SRPRA: variants seen among roughly 807,000 people sequenced by gnomAD.
SRPRA encodes the protein signal recognition particle receptor subunit alpha.
A neutral mutation model predicts 61.1 loss-of-function variants in SRPRA; 30 were observed. That is an observed-to-expected ratio of 0.49 (90% CI 0.37 to 0.67). The LOEUF is 0.67. Among genes scored for constraint, SRPRA ranks in the 30% least tolerant of loss-of-function variants. SRPRA has a pLI of 0.00. For synonymous variants in SRPRA, 324 were observed against 299.7 expected (o/e 1.08, Z -0.84); for missense variants, 759 against 828.4 (o/e 0.92, Z 1.03).
At chr11:126,261,658 G>A (rs1162900451), downstream of SRPRA, among the ~76,000 whole-genome samples, 3 of 152,142 alleles carry the variant, frequency 2.0e-5, no homozygotes, top group Admixed American at 6.5e-5. Context: ...TTCCTATCAA[G>A]TCTATTACAA....
chr11:126,268,806 G>A lies in SRPRA; in HGVS notation c.-2C>T, dbSNP rs376385173. On this transcript the variant is annotated 5_prime_UTR_variant, in exon 1 of 14. Coordinates refer to ENST00000332118, the MANE Select transcript of SRPRA (RefSeq NM_003139.4). ...GAAAATGGTGAAGAAGTCGAGCATG[G>A]CGGCAGCGGCAGAGGAGCTGGGGCC... The A allele has an allele frequency of 1.2e-6, 2 of 1,612,162 alleles. No individual in the cohort carries two copies. The highest frequency in any genetic ancestry group is 1.7e-6 in the Non-Finnish European group (2 of 1,179,118).
chr11:126,246,632 G>A, the SRPRA span, among the ~76,000 whole-genome samples: 1 of 152,064 alleles, frequency 6.6e-6, no homozygotes, highest in African/African-American at 2.4e-5. Flanking sequence ...AATAGAAATG[G>A]GGTCTCCCTG....
At position 126,263,687 on chromosome 11, in the gene SRPRA, A is replaced by C; in HGVS notation, c.*229T>G. 1 of 541,982 alleles carries C rather than the reference A, an allele frequency of 1.8e-6. No homozygotes were observed. The highest frequency in any genetic ancestry group is 3.2e-6 in the Non-Finnish European group (1 of 310,520). 33.6% of individuals were successfully genotyped at this position (541,982 alleles called of 1,614,324 possible). A position where few individuals can be genotyped will look rare whatever the true frequency, so the allele number is the denominator to read the frequency against. ...AGGGGGTGCCTGAGTAGGAAGGGGG[A>C]GGCCCGCTGGGAGAGGGTCAGTGGG... On this transcript the variant is annotated 3_prime_UTR_variant, in exon 14 of 14. Transcript: ENST00000332118.
downstream of SRPRA, chr11:126,261,357 G>C (rs1591533805): frequency 6.7e-6 from 9 of 1,338,818 alleles, no homozygotes; most frequent in Non-Finnish European, 8.6e-6. Context: ...TCTCCCTTTA[G>C]TTTTCTTTTT....
the SRPRA span, among the ~76,000 whole-genome samples, chr11:126,237,206 G>A: frequency 3.8e-4 from 48 of 124,822 alleles, no homozygotes; most frequent in African/African-American, 1.4e-3. Flanking sequence ...GTGAGCCACC[G>A]CGCCTGGCCT....
chr11:126,268,607 A>G, intron 1 of SRPRA, 81 bp downstream of exon 1: 1 of 1,169,134 alleles, frequency 8.6e-7, no homozygotes, highest in Admixed American at 1.9e-5. Context: ...GGGTGGGAGG[A>G]GGCGCGGAAT....
downstream of SRPRA, among the ~76,000 whole-genome samples, chr11:126,261,673 G>C (rs1037092779): frequency 1.3e-5 from 2 of 152,168 alleles, no homozygotes; most frequent in Admixed American, 1.3e-4. Flanking sequence ...TTACAATCTA[G>C]TGCAGTGATC....
At chr11:126,251,973 C>CGTTTTGTTTTGTTTT in the SRPRA span, among the ~76,000 whole-genome samples, 1 of 151,270 alleles carries the variant, frequency 6.6e-6, no homozygotes, top group Admixed American at 6.6e-5. Context: ...TGTGCCTGGC[C>CGTTTTGTTTTGTTTT]GTTTTGTTTT....
In SRPRA at chr11:126,265,150, T is replaced by C; in HGVS notation, c.1334A>G (p.Asn445Ser). ...GGCAGCAATGAGGACACTGAAGCCA[T>C]TCTCTAACAACCAGAAGGAAATCTG... The part of the protein sequence containing the change: ...LAKISFWLLE[N>S]GFSVLIAACD... Residue 445 changes from asparagine to serine, a missense_variant, in exon 11 of 14, where the codon AAT becomes AGT. Physicochemically the swap from Asn to Ser is conservative, Grantham distance 46. Transcript: ENST00000332118. The surrounding 1 kb of genome is among the most constrained non-coding windows in gnomAD (Gnocchi z 6.3). 2 of 1,614,160 alleles carry C rather than the reference T, an allele frequency of 1.2e-6. No homozygotes were observed. Among genetic ancestry groups the C allele is most frequent in the Non-Finnish European group, 1.7e-6 (2 of 1,180,030 alleles).
the SRPRA span, chr11:126,254,564 G>A: frequency 8.2e-7 from 1 of 1,224,524 alleles, no homozygotes; most frequent in Non-Finnish European, 1.1e-6. Flanking sequence ...TAGGAGCAGT[G>A]GCTCATGCCT....
At chr11:126,256,941 C>T in the SRPRA span, 3 of 1,341,840 alleles carry the variant, frequency 2.2e-6, no homozygotes, top group Non-Finnish European at 2.0e-6. This position sits in a 1 kb window ranked among gnomAD's most constrained non-coding sequence, Gnocchi z 6.6. Context: ...AAAATAGTTG[C>T]CAAGATGAGG....
chr11:126,254,091 A>G, the SRPRA span, among the ~76,000 whole-genome samples: 1 of 152,198 alleles, frequency 6.6e-6, no homozygotes, highest in Non-Finnish European at 1.5e-5. Flanking sequence ...GCTTACTTTC[A>G]AAGAGAAATC....
chr11:126,261,378 GT>G (rs1463404828), downstream of SRPRA: 12 of 1,540,688 alleles, frequency 7.8e-6, no homozygotes, highest in Non-Finnish European at 9.9e-6. Context: ...GCTATTAATA[GT>G]TTTAGCTTTT....
downstream of SRPRA, chr11:126,262,301 T>A: frequency 3.3e-6 from 2 of 607,960 alleles, no homozygotes; most frequent in African/African-American, 1.9e-5. Flanking sequence ...TAATCCTTCA[T>A]ACCACCTGGT....
the SRPRA span, among the ~76,000 whole-genome samples, chr11:126,248,201 CAT>C: frequency 2.0e-5 from 3 of 151,046 alleles, no homozygotes; most frequent in African/African-American, 7.3e-5. Flanking sequence ...GTGATAACCT[CAT>C]ATGTGTCATT....
the SRPRA span, among the ~76,000 whole-genome samples, chr11:126,253,240 A>G: frequency 2.5e-3 from 386 of 152,180 alleles, no homozygotes; most frequent in African/African-American, 8.9e-3. This position sits in a 1 kb window ranked among gnomAD's most constrained non-coding sequence, Gnocchi z 5.1. Context: ...TTCAGCCCAC[A>G]TTAGGGGCAG....
At chr11:126,261,461 C>T, downstream of SRPRA, 2 of 1,613,848 alleles carry the variant, frequency 1.2e-6, no homozygotes, top group Non-Finnish European at 1.7e-6. Context: ...AATGGCTCAT[C>T]TGCAGCACAC....
chr11:126,262,388 C>T, downstream of SRPRA: 1 of 551,414 alleles, frequency 1.8e-6, no homozygotes, highest in Non-Finnish European at 3.2e-6. Flanking sequence ...CAACCCACTC[C>T]CCAGGCTAGA....
In SRPRA at chr11:126,267,953, A is replaced by G. The variant is rs375561081; in HGVS notation, c.201+50T>C. The G allele has an allele frequency of 3.8e-6, 6 of 1,577,764 alleles. No homozygotes were observed. The African/African-American group carries it at 8.1e-5, about 21-fold the overall frequency. On this transcript the variant is annotated intron_variant, in intron 2 of 13. Transcript: ENST00000332118. This position sits in a 1 kb window ranked among gnomAD's most constrained non-coding sequence, Gnocchi z 4.2. ...GCAATTAATCAGAGTTCTCTTAAAAATCAGGGCTATGTTAACAATGCAATC... is the reference window on the plus strand; with the variant it reads ...GCAATTAATCAGAGTTCTCTTAAAAGTCAGGGCTATGTTAACAATGCAATC...
Sources: gnomAD v4.1 joint callset for allele counts (sites outside exome capture counted in the v4.1 genomes callset) on GRCh38, gnomAD v4.1.1 for gene constraint, Gnocchi (gnomAD v3.1) non-coding constraint, MANE v1.5 for transcripts, NCBI Gene and HGNC (gene_info 2026-07-23, HGNC 2026-07-21) for gene names.